The following SLIT2 variants were observed in gnomAD, a reference collection of about 807,000 sequenced individuals.
The protein encoded by SLIT2 is slit guidance ligand 2, also known as slit homolog 2 protein.
Under a neutral mutation model 185.7 loss-of-function variants are expected in SLIT2, and 41 were observed. The ratio of observed to expected loss-of-function variants is 0.22; its 90% CI spans 0.17 to 0.29. SLIT2 has a LOEUF of 0.29. Among genes scored for constraint, SLIT2 ranks in the 10% least tolerant of loss-of-function variants. The pLI is 1.00. For synonymous variants in SLIT2, 693 were observed against 680.2 expected (o/e 1.02, Z -0.29); for missense variants, 1,571 against 1,909.0 (o/e 0.82, Z 3.30).
chr4:20,441,731 T>C (rs1729769156), intron 4 of SLIT2, among the ~76,000 whole-genome samples: 1 of 152,062 alleles, frequency 6.6e-6, no homozygotes, highest in Non-Finnish European at 1.5e-5. Context: ...TAAACATGGG[T>C]CCTACCTGCA....
chr4:20,418,299 C>T (rs929007058), intron 4 of SLIT2, among the ~76,000 whole-genome samples: 1 of 151,982 alleles, frequency 6.6e-6, no homozygotes, highest in African/African-American at 2.4e-5. Context: ...GGACTAGAGA[C>T]AAGGATTCAA....
At position 20,252,736 on chromosome 4, in the gene SLIT2, C is replaced by T. The variant is rs1039996211; in HGVS notation, c.-1080C>T. Among the ~76,000 whole-genome samples, 1 of 152,246 alleles carries T rather than the reference C, an allele frequency of 6.6e-6. No individual in the cohort carries two copies. The highest frequency in any genetic ancestry group is 1.5e-5 in the Non-Finnish European group (1 of 68,038). The stretch of plus-strand genomic sequence containing the variant: ...ACTGCCATTCAGCTGCCGCCTGGCT[C>T]TGCCTGGAGTAGTGGATCCCACCCG... On this transcript the variant is annotated 5_prime_UTR_variant, in exon 1 of 37. Transcript: ENST00000504154.
At chr4:20,291,758 T>C (rs1157844419) in intron 4 of SLIT2, among the ~76,000 whole-genome samples, 3 of 151,996 alleles carry the variant, frequency 2.0e-5, no homozygotes, top group East Asian at 3.9e-4. Flanking sequence ...AAAACAATTA[T>C]AGAGAACTTT....
chr4:20,296,319 GA>G (rs140549357), intron 4 of SLIT2, among the ~76,000 whole-genome samples: 18 of 151,928 alleles, frequency 1.2e-4, no homozygotes, highest in African/African-American at 4.1e-4. Context: ...ATCTGAACTA[GA>G]AAAAAAAGTT....
intron 4 of SLIT2, among the ~76,000 whole-genome samples, chr4:20,455,159 T>C (rs891713570): frequency 6.6e-6 from 1 of 152,100 alleles, no homozygotes; most frequent in Non-Finnish European, 1.5e-5. Context: ...TGAAAACAGT[T>C]TTTTCTCAAA....
chr4:20,566,943 A>G (rs609535), intron 26 of SLIT2, among the ~76,000 whole-genome samples: 112,153 of 151,812 alleles, frequency 0.74, 42,633 homozygotes, highest in East Asian at 0.97. Context: ...ACAGACAATG[A>G]CCAAGAAACA....
intron 4 of SLIT2, among the ~76,000 whole-genome samples, chr4:20,449,955 TCA>T (rs973198165): frequency 3.0e-4 from 22 of 72,798 alleles, no homozygotes; most frequent in African/African-American, 1.3e-3. Flanking sequence ...GATTGACAGC[TCA>T]GTGTTTTTTT....
intron 4 of SLIT2, among the ~76,000 whole-genome samples, chr4:20,434,807 G>T (rs994651450): frequency 1.3e-5 from 2 of 152,164 alleles, no homozygotes; most frequent in Non-Finnish European, 1.5e-5. Flanking sequence ...AATGTGATAA[G>T]GCCTGACCAA....
intron 4 of SLIT2, among the ~76,000 whole-genome samples, chr4:20,365,986 A>G (rs1723085637): frequency 6.6e-6 from 1 of 152,170 alleles, no homozygotes; most frequent in Admixed American, 6.5e-5. Context: ...TTCAGTGACA[A>G]GCGTCAAAAA....
intron 5 of SLIT2, 59 bp from the exon 6 acceptor site, chr4:20,480,657 T>C: frequency 7.4e-7 from 1 of 1,350,906 alleles, no homozygotes; most frequent in Non-Finnish European, 1.1e-6. Context: ...AAACTTCTCA[T>C]CACCTACCCC....
intron 4 of SLIT2, among the ~76,000 whole-genome samples, chr4:20,358,888 G>A (rs187622083): frequency 6.6e-6 from 1 of 152,100 alleles, no homozygotes; most frequent in African/African-American, 2.4e-5. Flanking sequence ...TATATTCACT[G>A]TGTGAAACAA....
intron 11 of SLIT2, among the ~76,000 whole-genome samples, chr4:20,516,276 T>C (rs1012127552): frequency 9.2e-5 from 14 of 152,182 alleles, no homozygotes. Context: ...AATTTCCCTA[T>C]TGTTCAAAAA....
intron 25 of SLIT2, chr4:20,552,842 C>G (rs1415561111): frequency 6.6e-6 from 1 of 152,166 alleles, no homozygotes; most frequent in Non-Finnish European, 1.5e-5. Flanking sequence ...GCATCTACGG[C>G]TTCAATCCAA....
Position 20,572,042 on chromosome 4 carries a change from T to C in SLIT2, c.3088+3038T>C, listed in dbSNP as rs751351145. 7.9e-5 allele frequency among the ~76,000 whole-genome samples: 12 copies of C among 152,352 alleles called. No individual in the cohort carries two copies. In the East Asian group the frequency reaches 1.5e-3, roughly 20 times the overall value. On this transcript the variant is annotated intron_variant, in intron 29 of 36. Coordinates refer to ENST00000504154, the MANE Select transcript of SLIT2 (RefSeq NM_004787.4). ...AAATGAGCCACCAATGGGGAATTTATTAAACATTGTTTAAGCCCTATGTGA... is the reference window on the plus strand; with the variant it reads ...AAATGAGCCACCAATGGGGAATTTACTAAACATTGTTTAAGCCCTATGTGA...
At position 20,390,576 on chromosome 4, in the gene SLIT2, G is replaced by A. The variant is rs146738927; in HGVS notation, c.396-77176G>A. ...ATCACAAAGTTCCTATGGCACTGTC[G>A]GCCTGCTGCATTGAAGAATGACTAG... is the stretch of plus-strand genomic sequence containing the variant. On this transcript the variant is annotated intron_variant, in intron 4 of 36. Coordinates refer to ENST00000504154, the MANE Select transcript of SLIT2 (RefSeq NM_004787.4). Among the ~76,000 whole-genome samples, 396 of 151,988 alleles carry A rather than the reference G, an allele frequency of 2.6e-3. 1 individual carries two copies. The highest frequency in any genetic ancestry group is 9.1e-3 in the African/African-American group (376 of 41,492).
intron 9 of SLIT2, among the ~76,000 whole-genome samples, chr4:20,504,821 G>C (rs1719053803): frequency 6.6e-6 from 1 of 151,994 alleles, no homozygotes; most frequent in African/African-American, 2.4e-5. Context: ...GTCAACCTCA[G>C]TCTGAAAATA....
intron 9 of SLIT2, among the ~76,000 whole-genome samples, chr4:20,508,489 C>G: frequency 6.6e-6 from 1 of 151,728 alleles, no homozygotes; most frequent in Non-Finnish European, 1.5e-5. Flanking sequence ...TAATGTCTTA[C>G]AAAATGTTAA....
Position 20,330,199 on chromosome 4 carries a change from A to G in SLIT2, c.395+61318A>G, listed in dbSNP as rs554962594. Among the ~76,000 whole-genome samples the G allele has an allele frequency of 2.5e-4, 38 of 152,062 alleles. 1 individual carries two copies. The highest frequency in any genetic ancestry group is 2.9e-5 in the Non-Finnish European group (2 of 67,978). On this transcript the variant is annotated intron_variant, in intron 4 of 36. Transcript: ENST00000504154. ...TGGTTTTTTTTCTTTATCAACTGGT[A>G]TGTAGATTTTTCTTTTCAACTAGTT...
chr4:20,326,203 G>A (rs955731545), intron 4 of SLIT2, among the ~76,000 whole-genome samples: 2 of 152,020 alleles, frequency 1.3e-5, no homozygotes, highest in African/African-American at 4.8e-5. Flanking sequence ...TGCAAGTAAA[G>A]TTATTAGCTA....
Sources: gnomAD v4.1 joint callset for allele counts (sites outside exome capture counted in the v4.1 genomes callset) on GRCh38, gnomAD v4.1.1 for gene constraint, MANE v1.5 for transcripts, NCBI Gene and HGNC (gene_info 2026-07-23, HGNC 2026-07-21) for gene names.